The following CFAP57 variants were observed in gnomAD, a reference collection of about 807,000 sequenced individuals.
The protein encoded by CFAP57 is cilia- and flagella-associated protein 57.
In CFAP57, 116 loss-of-function variants were observed where a neutral mutation model predicts 146.8. The ratio of observed to expected loss-of-function variants is 0.79; its 90% CI spans 0.68 to 0.92. CFAP57 has a LOEUF of 0.92. CFAP57 is among the 40% of genes least tolerant of loss of function. The probability of loss-of-function intolerance (pLI) is 0.00; values close to 1 mark genes in which losing one functional copy is unlikely to be tolerated. For synonymous variants in CFAP57, 518 were observed against 552.8 expected (o/e 0.94, Z 0.88); for missense variants, 1,377 against 1,527.2 (o/e 0.90, Z 1.64).
intron 7 of CFAP57, 134 bp from the exon 8 acceptor site, chr1:43,198,347 A>G: frequency 9.8e-7 from 1 of 1,015,968 alleles, no homozygotes. Flanking sequence ...CAAGATCTAG[A>G]AAAGAGAGGA....
At position 43,224,199 on chromosome 1, in the gene CFAP57, G is replaced by C; in HGVS notation, c.2860G>C (p.Asp954His). 4 of 1,540,292 alleles carry C rather than the reference G, an allele frequency of 2.6e-6. No individual in the cohort carries two copies. The highest frequency in any genetic ancestry group is 3.5e-6 in the Non-Finnish European group (4 of 1,141,572). ...EIQERDETIQ[D>H]KEKRIYDLKK... ...CCAGGAAAGAGACGAGACTATTCAA[G>C]ACAAGGTGCAGCTCTCCTTCTGTCC... The change falls in exon 17 of 23, where the codon GAC becomes CAC. Residue 954 changes from aspartate (D) to histidine (H), a missense_variant. By Grantham distance (81) the Asp-to-His change is moderately conservative. Coordinates refer to ENST00000372492, the MANE Select transcript of CFAP57 (RefSeq NM_001378189.1).
Position 43,238,980 on chromosome 1 carries a change from T to C in CFAP57, c.3406-4247T>C, listed in dbSNP as rs1163293416. Among the ~76,000 whole-genome samples the C allele has an allele frequency of 6.6e-6, 1 of 152,000 alleles. No individual in the cohort carries two copies. The highest frequency in any genetic ancestry group is 2.1e-4 in the South Asian group (1 of 4,824). ...ACCCTTGCAATTGTGGTTACTCTTA[T>C]TATCGTTATCATCAAGCTCTTCCTG... On this transcript the variant is annotated intron_variant, in intron 21 of 22. Transcript: ENST00000372492. The surrounding 1 kb of genome is among the most constrained non-coding windows in gnomAD (Gnocchi z 4.3).
chr1:43,214,490 A>C (rs1487592455), intron 11 of CFAP57, among the ~76,000 whole-genome samples: 1 of 152,240 alleles, frequency 6.6e-6, no homozygotes, highest in Non-Finnish European at 1.5e-5. Flanking sequence ...ATGAAAAACA[A>C]ATCACAGTTT....
Position 43,220,810 on chromosome 1 carries a change from AAAAAG to A in CFAP57, c.2248-558_2248-554del, listed in dbSNP as rs746265254. 2.6e-4 allele frequency among the ~76,000 whole-genome samples: 40 copies of A among 152,252 alleles called. 1 individual carries two copies. In the South Asian group the frequency reaches 5.2e-3, roughly 20 times the overall value. Reference sequence around the variant, plus strand: ...GGGTCATAAAGTTCGGCTAAAAAAAAAAAAGAAAGAAAAACCTTGGCTATTAATTG... The same window carrying A: ...GGGTCATAAAGTTCGGCTAAAAAAAAAAAGAAAAACCTTGGCTATTAATTG... On this transcript the variant is annotated intron_variant, in intron 13 of 22. Coordinates refer to ENST00000372492, the MANE Select transcript of CFAP57 (RefSeq NM_001378189.1).
chr1:43,191,542 G>T lies in CFAP57; in HGVS notation c.1122+4683G>T, dbSNP rs1041844048. Among the ~76,000 whole-genome samples, 5 of 144,526 alleles carry T rather than the reference G, an allele frequency of 3.5e-5. No individual in the cohort carries two copies. The Admixed American group carries it at 3.7e-4, about 11-fold the overall frequency. 94.8% of individuals were successfully genotyped at this position (144,526 alleles called of 152,430 possible). A position where few individuals can be genotyped will look rare whatever the true frequency, so the allele number is the denominator to read the frequency against. On this transcript the variant is annotated intron_variant, in intron 6 of 22. Transcript: ENST00000372492. ...GCAGGGCTTGCAGTGAGCCAAGATCGTGCCACTGCACTCCAGCATGGGTGA... is the reference window on the plus strand; with the variant it reads ...GCAGGGCTTGCAGTGAGCCAAGATCTTGCCACTGCACTCCAGCATGGGTGA...
In CFAP57 at chr1:43,226,999, A is replaced by G; in HGVS notation, c.2882A>G (p.Asp961Gly). The G allele has an allele frequency of 6.6e-7, 1 of 1,519,918 alleles. No individual in the cohort carries two copies. Among genetic ancestry groups the G allele is most frequent in the Non-Finnish European group, 8.8e-7 (1 of 1,134,304 alleles). The allele number at this position is 1,519,918 out of a possible 1,614,324, so 94.2% of individuals were successfully genotyped here. A position where few individuals can be genotyped will look rare whatever the true frequency, so the allele number is the denominator to read the frequency against. The change falls in exon 18 of 23, where the codon GAT becomes GGT. Residue 961 changes from aspartate (D) to glycine (G), a missense_variant. By Grantham distance (94) the Asp-to-Gly change is moderately conservative (BLOSUM62 -1). Coordinates refer to ENST00000372492, the MANE Select transcript of CFAP57 (RefSeq NM_001378189.1). ...CACCCCCAGGAGAAGCGAATTTATG[A>G]TCTGAAAAAGAAAAATCAAGAACTA... ...TIQDKEKRIY[D>G]LKKKNQELGK...
chr1:43,211,590 A>AG (rs386366815), intron 11 of CFAP57: 1 of 151,708 alleles, frequency 6.6e-6, no homozygotes, highest in African/African-American at 2.4e-5. Context: ...AAAAAAAAAA[A>AG]AATCCTCATA....
intron 6 of CFAP57, among the ~76,000 whole-genome samples, chr1:43,196,265 A>G (rs1314211048): frequency 1.3e-5 from 2 of 152,328 alleles, no homozygotes; most frequent in East Asian, 3.9e-4. Context: ...TTAAGACAAG[A>G]GAGATTTGAG....
At position 43,215,241 on chromosome 1, in the gene CFAP57, C is replaced by T. The variant is rs763235011; in HGVS notation, c.1930-14C>T. 1.8e-5 allele frequency: 28 copies of T among 1,550,932 alleles called. No homozygotes were observed. The South Asian group carries it at 3.0e-4, about 16-fold the overall frequency. ...CCTTGAAAGCTTCCTGGCCATGACC[C>T]TTTTTCTCTTCAGATGTTGCTTACC... is the stretch of plus-strand genomic sequence containing the variant. On this transcript the variant is annotated splice_polypyrimidine_tract_variant and intron_variant, in intron 11 of 22. Coordinates refer to ENST00000372492, the MANE Select transcript of CFAP57 (RefSeq NM_001378189.1).
At chr1:43,214,313 C>T (rs1644751415) in intron 11 of CFAP57, among the ~76,000 whole-genome samples, 1 of 152,166 alleles carries the variant, frequency 6.6e-6, no homozygotes. Flanking sequence ...TTCTCCCATT[C>T]GACAGGTCGT....
rs150775166 is a variant in CFAP57 at position 43,220,231 on chromosome 1, T to C, written c.2247+694T>C. Among the ~76,000 whole-genome samples the C allele has an allele frequency of 3.3e-5, 5 of 152,326 alleles. No individual in the cohort carries two copies. In the East Asian group the frequency reaches 9.6e-4, roughly 29 times the overall value. ...ATGAGAATTATGATTAGGAGAAACT[T>C]ATTTTAAAACAAAATGAAACGATAA... On this transcript the variant is annotated intron_variant, in intron 13 of 22. Coordinates refer to ENST00000372492, the MANE Select transcript of CFAP57 (RefSeq NM_001378189.1).
rs571342765 is a variant in CFAP57 at position 43,233,339 on chromosome 1, A to T, written c.3126+715A>T. 5.9e-5 allele frequency among the ~76,000 whole-genome samples: 9 copies of T among 152,286 alleles called. No individual in the cohort carries two copies. In the East Asian group the frequency reaches 1.7e-3, roughly 29 times the overall value. On this transcript the variant is annotated intron_variant, in intron 19 of 22. Coordinates refer to ENST00000372492, the MANE Select transcript of CFAP57 (RefSeq NM_001378189.1). The stretch of plus-strand genomic sequence containing the variant: ...CCCCGTCTCTACTAAAAATACAAAA[A>T]TTAGCCAGGCATGGCGGCACACGCC...
At chr1:43,178,729 AT>A (rs1396107438) in intron 2 of CFAP57, among the ~76,000 whole-genome samples, 1 of 152,226 alleles carries the variant, frequency 6.6e-6, no homozygotes, top group African/African-American at 2.4e-5. Context: ...CAGTGTGGTG[AT>A]TCCTCAGGGA....
rs759935550 is a variant in CFAP57, at chr1:43,199,352, T to C, written c.1429-38T>C. On this transcript the variant is annotated intron_variant, in intron 8 of 22. Transcript: ENST00000372492. ...TGTAACCTCTAATTAGACTGCTCAC[T>C]TCCTGCTTGCTTGCTCTCTTGCTGT... is the stretch of plus-strand genomic sequence containing the variant. 3.8e-6 allele frequency: 6 copies of C among 1,599,314 alleles called. No homozygotes were observed. The Admixed American group carries it at 1.0e-4, about 27-fold the overall frequency.
chr1:43,184,166 CTAATT>C (rs1645541602), intron 4 of CFAP57, among the ~76,000 whole-genome samples: 1 of 152,136 alleles, frequency 6.6e-6, no homozygotes, highest in African/African-American at 2.4e-5. Context: ...TTTCCAGTGG[CTAATT>C]TAATGAATTG....
intron 22 of CFAP57, among the ~76,000 whole-genome samples, chr1:43,245,358 AG>A (rs1386257985): frequency 6.6e-6 from 1 of 152,082 alleles, no homozygotes; most frequent in Non-Finnish European, 1.5e-5. Context: ...AATATGTCCA[AG>A]TATCCTAACA....
rs182415363 is a variant in CFAP57 at position 43,181,660 on chromosome 1, G to A, written c.284G>A (p.Arg95Gln). The stretch of plus-strand genomic sequence containing the variant: ...TATGAATTGTCATCCATCCCTTGCC[G>A]GAAGCGCAAAGTTCTTAATAATTTT... ...TIYELSSIPC[R>Q]KRKVLNNFDF... Residue 95 changes from arginine to glutamine, a missense_variant, in exon 3 of 23, where the codon CGG becomes CAG. Physicochemically the swap from Arg to Gln is conservative, Grantham distance 43 (BLOSUM62 1). Transcript: ENST00000372492. 41 of 1,614,108 alleles carry A rather than the reference G, an allele frequency of 2.5e-5. No individual in the cohort carries two copies. Among genetic ancestry groups the A allele is most frequent in the Admixed American group, 5.0e-5 (3 of 60,014 alleles).
intron 7 of CFAP57, among the ~76,000 whole-genome samples, chr1:43,198,217 T>C (rs1333130476): frequency 6.6e-6 from 1 of 152,216 alleles, no homozygotes; most frequent in Non-Finnish European, 1.5e-5. Flanking sequence ...GAAAAAATAC[T>C]TGGACAATAC....
In CFAP57 at chr1:43,238,704, T is replaced by C. The variant is rs1645794057; in HGVS notation, c.3405+4066T>C. 6.6e-6 allele frequency among the ~76,000 whole-genome samples: 1 copy of C among 152,132 alleles called. No individual in the cohort carries two copies. The highest frequency in any genetic ancestry group is 6.5e-5 in the Admixed American group (1 of 15,282). On this transcript the variant is annotated intron_variant, in intron 21 of 22. Transcript: ENST00000372492. The surrounding 1 kb of genome is among the most constrained non-coding windows in gnomAD (Gnocchi z 4.3). The stretch of plus-strand genomic sequence containing the variant: ...ATTTTGCAGGTAGCCCAACTTATAC[T>C]TATTGGGAGTGTCCTTGGCCATCAT...
Sources: gnomAD v4.1 joint callset for allele counts (sites outside exome capture counted in the v4.1 genomes callset) on GRCh38, gnomAD v4.1.1 for gene constraint, Gnocchi (gnomAD v3.1) non-coding constraint, MANE v1.5 for transcripts, NCBI Gene and HGNC (gene_info 2026-07-23, HGNC 2026-07-21) for gene names.